PAG1: variants seen among roughly 807,000 people sequenced by gnomAD.
PAG1 encodes phosphoprotein associated with glycosphingolipid-enriched microdomains 1.
Under a neutral mutation model 31.7 loss-of-function variants are expected in PAG1, and 23 were observed. The observed-to-expected ratio is 0.73, with a 90% CI of 0.52 to 1.03. PAG1 has a LOEUF of 1.03. Among genes scored for constraint, PAG1 ranks in the 50% least tolerant of loss-of-function variants. The probability of loss-of-function intolerance (pLI) is 0.00; values close to 1 mark genes in which losing one functional copy is unlikely to be tolerated. For synonymous variants in PAG1, 214 were observed against 210.3 expected (o/e 1.02, Z -0.15); for missense variants, 473 against 540.7 (o/e 0.87, Z 1.24).
intron 3 of PAG1, among the ~76,000 whole-genome samples, chr8:81,000,135 G>C (rs2130578956): frequency 6.6e-6 from 1 of 152,290 alleles, no homozygotes; most frequent in East Asian, 1.9e-4. Context: ...ATTTCTTCCT[G>C]CCTTGCATGT....
At chr8:81,068,216 T>C (rs761512068) in intron 2 of PAG1, among the ~76,000 whole-genome samples, 6 of 152,126 alleles carry the variant, frequency 3.9e-5, no homozygotes, top group Non-Finnish European at 7.4e-5. Context: ...ATGTTTCTAA[T>C]AACTGGAAAG....
intron 2 of PAG1, among the ~76,000 whole-genome samples, chr8:81,055,426 A>G (rs1808803498): frequency 6.6e-6 from 1 of 152,080 alleles, no homozygotes. Flanking sequence ...TTAAGAACTG[A>G]CTTTAATTCC....
At chr8:81,040,963 A>G (rs949593607) in intron 2 of PAG1, 2 of 152,238 alleles carry the variant, frequency 1.3e-5, no homozygotes, top group Non-Finnish European at 2.9e-5. Context: ...CACGATGTCT[A>G]TTACAGTTGG....
chr8:81,032,144 A>C (rs1422575181), intron 2 of PAG1, among the ~76,000 whole-genome samples: 1 of 152,230 alleles, frequency 6.6e-6, no homozygotes, highest in Non-Finnish European at 1.5e-5. Flanking sequence ...CTAAATCTTC[A>C]TGAGCTCAGA....
intron 3 of PAG1, among the ~76,000 whole-genome samples, chr8:81,006,374 T>G (rs1807877348): frequency 6.6e-6 from 1 of 152,228 alleles, no homozygotes; most frequent in Non-Finnish European, 1.5e-5. Flanking sequence ...TCTCTATCCC[T>G]TCTCTCTCTG....
intron 3 of PAG1, among the ~76,000 whole-genome samples, chr8:81,027,550 A>G (rs1808303393): frequency 1.3e-5 from 2 of 152,206 alleles, no homozygotes; most frequent in African/African-American, 4.8e-5. Flanking sequence ...TAGAATTTTA[A>G]AAGTCTCATA....
At chr8:80,997,334 G>C (rs1376646189) in intron 3 of PAG1, among the ~76,000 whole-genome samples, 2 of 152,132 alleles carry the variant, frequency 1.3e-5, no homozygotes, top group Non-Finnish European at 2.9e-5. Flanking sequence ...CTGGAGTGCA[G>C]TGCTGTGATT....
chr8:81,006,854 C>A (rs969264716), intron 3 of PAG1, among the ~76,000 whole-genome samples: 5 of 152,214 alleles, frequency 3.3e-5, no homozygotes, highest in East Asian at 3.9e-4. Flanking sequence ...TTTGGAGAGG[C>A]CTTAGAATAT....
At chr8:81,066,087 C>G (rs751966931) in intron 2 of PAG1, among the ~76,000 whole-genome samples, 6 of 152,180 alleles carry the variant, frequency 3.9e-5, no homozygotes, top group Non-Finnish European at 8.8e-5. Flanking sequence ...GGGGACAGAT[C>G]AACAGGGCCA....
chr8:80,978,177 C>T (rs1039263842), intron 8 of PAG1, among the ~76,000 whole-genome samples: 2 of 152,124 alleles, frequency 1.3e-5, no homozygotes, highest in Admixed American at 6.5e-5. Context: ...TTGGTGAGGC[C>T]TTGACAATCC....
intron 3 of PAG1, among the ~76,000 whole-genome samples, chr8:80,993,686 C>T (rs1333128459): frequency 6.6e-6 from 1 of 151,566 alleles, no homozygotes; most frequent in South Asian, 2.1e-4. Flanking sequence ...CAGCCTTGAC[C>T]TCCCTGGGCT....
rs879752287 is a variant in PAG1 at position 81,009,490 on chromosome 8, A to G, written c.-80-16183T>C. On this transcript the variant is annotated intron_variant, in intron 3 of 8. Transcript: ENST00000220597. The stretch of plus-strand genomic sequence containing the variant: ...TAAGCTCTGATCTCTAAAAAAAATA[A>G]TGAAGTATTACCCAGATGATAAGAT... 2.0e-5 allele frequency among the ~76,000 whole-genome samples: 3 copies of G among 152,260 alleles called. No individual in the cohort carries two copies. In the East Asian group the frequency reaches 5.8e-4, roughly 29 times the overall value.
intron 2 of PAG1, among the ~76,000 whole-genome samples, chr8:81,065,040 G>A (rs7822947): frequency 0.064 from 9,815 of 152,206 alleles, 1,147 homozygotes; most frequent in African/African-American, 0.22. Flanking sequence ...TCTGGCAAGG[G>A]ATCTGGGCAT....
chr8:80,982,605 C>T lies in PAG1; in HGVS notation c.877-2111G>A, dbSNP rs76457014. Among the ~76,000 whole-genome samples, 592 of 152,280 alleles carry T rather than the reference C, an allele frequency of 3.9e-3. 4 individuals are homozygous for T. The highest frequency in any genetic ancestry group is 0.014 in the African/African-American group (574 of 41,550). ...CCAGCCCTGGCCTTTCCTCTTTACC[C>T]GGCTCATCAATCCAGCTACCATCTG... On this transcript the variant is annotated intron_variant, in intron 7 of 8. Transcript: ENST00000220597.
chr8:80,977,618 T>C (rs1586135832), intron 8 of PAG1, among the ~76,000 whole-genome samples: 1 of 152,210 alleles, frequency 6.6e-6, no homozygotes, highest in South Asian at 2.1e-4. Context: ...TAAACAGACA[T>C]TGACAGTCCA....
chr8:81,091,843 G>A lies in PAG1; in HGVS notation c.-234+19748C>T, dbSNP rs1048445820. Among the ~76,000 whole-genome samples, 174 of 140,994 alleles carry A rather than the reference G, an allele frequency of 1.2e-3. 2 individuals are homozygous for A. The highest frequency in any genetic ancestry group is 4.4e-3 in the Admixed American group (64 of 14,580). The allele number at this position is 140,994 out of a possible 152,430, so 92.5% of individuals were successfully genotyped here. ...GAAGAAAGAAGAAGAAGAAGAAGAA[G>A]AAAAAAAAACACCCTGTCCAGGTGC... is the stretch of plus-strand genomic sequence containing the variant. On this transcript the variant is annotated intron_variant, in intron 1 of 8. Transcript: ENST00000220597.
At chr8:81,042,915 C>T (rs1808578721) in intron 2 of PAG1, among the ~76,000 whole-genome samples, 1 of 152,164 alleles carries the variant, frequency 6.6e-6, no homozygotes, top group African/African-American at 2.4e-5. Flanking sequence ...TGGCTCTCAT[C>T]TCACGGCACT....
chr8:81,013,175 T>TC (rs747039888), intron 3 of PAG1, among the ~76,000 whole-genome samples: 1 of 152,236 alleles, frequency 6.6e-6, no homozygotes, highest in Non-Finnish European at 1.5e-5. Context: ...TATTGGCTCC[T>TC]CTCCCTAGCT....
At position 80,994,863 on chromosome 8, in the gene PAG1, G is replaced by C. The variant is rs183350148; in HGVS notation, c.-80-1556C>G. 9.2e-3 allele frequency among the ~76,000 whole-genome samples: 1,406 copies of C among 152,290 alleles called. 9 individuals carry two copies. Among genetic ancestry groups the C allele is most frequent in the South Asian group, 0.022 (107 of 4,824 alleles). On this transcript the variant is annotated intron_variant, in intron 3 of 8. Transcript: ENST00000220597. The stretch of plus-strand genomic sequence containing the variant: ...ATGAAAAGAAATAGCCTTTAAGTTG[G>C]TCTCAAGTGTCATGAATAAGCAAAT...
Sources: gnomAD v4.1 joint callset for allele counts (sites outside exome capture counted in the v4.1 genomes callset) on GRCh38, gnomAD v4.1.1 for gene constraint, MANE v1.5 for transcripts, NCBI Gene and HGNC (gene_info 2026-07-23, HGNC 2026-07-21) for gene names.